Variants in ZFHX3 observed in about 807,000 individuals in gnomAD.
ZFHX3 encodes the protein zinc finger homeobox 3, also known as zinc finger homeobox protein 3.
A neutral mutation model predicts 279.1 loss-of-function variants in ZFHX3; 42 were observed. The observed-to-expected ratio is 0.15, with a 90% confidence interval of 0.12 to 0.19. The LOEUF is 0.19. Ranked by LOEUF, ZFHX3 falls within the 10% of genes least tolerant of loss-of-function variation. ZFHX3 has a pLI of 1.00. For missense variants in ZFHX3, 4,981 were observed against 4,754.0 expected (o/e 1.05, Z -1.40); for synonymous variants, 2,293 against 1,957.8 (o/e 1.17, Z -4.52).
chr16:73,876,887 G>A (rs1336242565), intron 1 of ZFHX3, among the ~76,000 whole-genome samples: 3 of 151,890 alleles, frequency 2.0e-5, no homozygotes, highest in Admixed American at 1.3e-4. Context: ...GTGGGTTCAC[G>A]GTCCACATCT....
intron 7 of ZFHX3, chr16:72,807,346 G>A (rs1243385569): frequency 6.6e-6 from 1 of 152,228 alleles, no homozygotes; most frequent in Non-Finnish European, 1.5e-5. Context: ...AATAGGCCAA[G>A]AAGAATGAAG....
In ZFHX3 at chr16:72,783,597, A is replaced by C. The variant is rs1244336492; in HGVS notation, c.*3567T>G. 6.6e-6 allele frequency: 1 copy of C among 152,276 alleles called. No homozygotes were observed. The highest frequency in any genetic ancestry group is 1.5e-5 in the Non-Finnish European group (1 of 68,032). 9.4% of individuals were successfully genotyped at this position (152,276 alleles called of 1,614,324 possible). ...TTAAATAGCTTGTAATTAAAAAAAA[A>C]ATTCCTAGATGTATTAAATTTTTCC... On this transcript the variant is annotated 3_prime_UTR_variant, in exon 10 of 10. Transcript: ENST00000268489.
At chr16:73,130,062 G>T (rs1597169228) in intron 7 of ZFHX3, among the ~76,000 whole-genome samples, 1 of 152,118 alleles carries the variant, frequency 6.6e-6, no homozygotes, top group East Asian at 1.9e-4. Flanking sequence ...TTAGGGCATG[G>T]ACCTATAATA....
chr16:73,516,073 T>A (rs1190557590), intron 2 of ZFHX3, among the ~76,000 whole-genome samples: 1 of 152,210 alleles, frequency 6.6e-6, no homozygotes, highest in Non-Finnish European at 1.5e-5. Context: ...CTCTTCACCA[T>A]CATCATTGAA....
At chr16:73,010,225 C>A (rs1963867645) in intron 1 of ZFHX3, among the ~76,000 whole-genome samples, 1 of 152,084 alleles carries the variant, frequency 6.6e-6, no homozygotes, top group Non-Finnish European at 1.5e-5. Context: ...ACCCTAGGAG[C>A]CTGGCACAGA....
intron 2 of ZFHX3, among the ~76,000 whole-genome samples, chr16:73,476,985 C>T (rs966208065): frequency 6.6e-6 from 1 of 152,164 alleles, no homozygotes; most frequent in Non-Finnish European, 1.5e-5. Flanking sequence ...AAACTGTTTG[C>T]AATTTTTCTT....
At chr16:73,315,979 T>G (rs1031431807) in intron 4 of ZFHX3, among the ~76,000 whole-genome samples, 6 of 152,204 alleles carry the variant, frequency 3.9e-5, no homozygotes, top group Non-Finnish European at 7.3e-5. Flanking sequence ...TCGTCCTGCC[T>G]GGACCAGCCC....
chr16:72,897,587 C>T (rs745845908), intron 3 of ZFHX3, among the ~76,000 whole-genome samples: 13 of 151,982 alleles, frequency 8.6e-5, no homozygotes, highest in Non-Finnish European at 1.5e-4. Flanking sequence ...ACTATAGGTG[C>T]GTGCCATCAT....
intron 8 of ZFHX3, among the ~76,000 whole-genome samples, chr16:73,091,130 G>A (rs1263659767): frequency 6.6e-6 from 1 of 151,334 alleles, no homozygotes; most frequent in Non-Finnish European, 1.5e-5. Context: ...AGAATGGCAT[G>A]AACCCGGGAG....
intron 2 of ZFHX3, among the ~76,000 whole-genome samples, chr16:73,641,272 G>A (rs984114039): frequency 6.6e-6 from 1 of 152,036 alleles, no homozygotes; most frequent in African/African-American, 2.4e-5. Context: ...AAAAACTTCA[G>A]GAAAAACAAA....
At chr16:73,147,456 G>A (rs553214253) in intron 5 of ZFHX3, among the ~76,000 whole-genome samples, 1 of 152,068 alleles carries the variant, frequency 6.6e-6, no homozygotes, top group African/African-American at 2.4e-5. Context: ...ACTTTGGGAG[G>A]CCGAGGCGGG....
intron 1 of ZFHX3, among the ~76,000 whole-genome samples, chr16:73,058,321 G>A (rs142472889): frequency 0.033 from 4,938 of 148,138 alleles, 108 homozygotes; most frequent in Middle Eastern, 0.14. Flanking sequence ...GAAGGCGAGC[G>A]GGACGCAGCG....
chr16:72,955,708 G>T (rs1279327470), intron 2 of ZFHX3, among the ~76,000 whole-genome samples: 1 of 150,702 alleles, frequency 6.6e-6, no homozygotes, highest in African/African-American at 2.4e-5. Flanking sequence ...AACACAGGAG[G>T]TGGATGTTGC....
intron 2 of ZFHX3, among the ~76,000 whole-genome samples, chr16:73,481,033 A>G (rs75686134): frequency 0.021 from 3,230 of 152,274 alleles, 98 homozygotes; most frequent in African/African-American, 0.059. Flanking sequence ...CTTTAAGAAC[A>G]AAGTCCTAAA....
intron 4 of ZFHX3, among the ~76,000 whole-genome samples, chr16:72,872,607 G>A (rs188802933): frequency 7.2e-4 from 109 of 152,170 alleles, no homozygotes; most frequent in South Asian, 2.1e-3. Context: ...ACAGGCACGC[G>A]CCACCATGTC....
intron 5 of ZFHX3, among the ~76,000 whole-genome samples, chr16:73,251,810 C>T (rs1390502131): frequency 6.9e-6 from 1 of 144,814 alleles, no homozygotes; most frequent in Admixed American, 6.9e-5. Context: ...ACGCACACAC[C>T]ATGCACACAC....
intron 3 of ZFHX3, among the ~76,000 whole-genome samples, chr16:73,323,459 T>G (rs1269218988): frequency 2.6e-5 from 4 of 152,106 alleles, no homozygotes; most frequent in Non-Finnish European, 5.9e-5. Context: ...AAGCAGTGTC[T>G]GGTGCTATCA....
At chr16:73,169,842 T>A (rs953469077) in intron 5 of ZFHX3, among the ~76,000 whole-genome samples, 1 of 152,154 alleles carries the variant, frequency 6.6e-6, no homozygotes, top group South Asian at 2.1e-4. Context: ...AGATCAAAGC[T>A]GTTTTTTCTT....
intron 4 of ZFHX3, among the ~76,000 whole-genome samples, chr16:72,876,216 G>A (rs2038308156): frequency 6.6e-6 from 1 of 152,212 alleles, no homozygotes. Context: ...GATGGTAGGG[G>A]TGGAAGAATC....
Sources: allele counts gnomAD v4.1 joint callset (sites outside exome capture counted in the v4.1 genomes callset), GRCh38; gene constraint gnomAD v4.1.1; transcripts MANE v1.5; gene names NCBI Gene and HGNC (gene_info 2026-07-23, HGNC 2026-07-21).